XKRX: variants seen among roughly 807,000 people sequenced by gnomAD.
The protein encoded by XKRX is XK-related protein 2.
In XKRX, 11 loss-of-function variants were observed where a neutral mutation model predicts 22.4. The observed-to-expected ratio is 0.49, with a 90% CI of 0.31 to 0.81. The LOEUF is 0.81. Ranked by LOEUF, XKRX falls within the 40% of genes least tolerant of loss-of-function variation. The pLI, the probability that XKRX is intolerant of heterozygous loss-of-function variation, is 0.05. For synonymous variants in XKRX, 114 were observed against 132.2 expected (o/e 0.86, Z 0.94); for missense variants, 320 against 336.5 (o/e 0.95, Z 0.38).
the XKRX span, among the ~76,000 whole-genome samples, chrX:100,908,333 T>C: frequency 9.0e-6 from 1 of 111,009 alleles, no homozygotes; most frequent in Non-Finnish European, 1.9e-5. Flanking sequence ...CCCAGGATGG[T>C]CTCGAACTCC....
the XKRX span, among the ~76,000 whole-genome samples, chrX:100,946,107 A>C: frequency 1.8e-5 from 2 of 108,535 alleles, no homozygotes; most frequent in Non-Finnish European, 3.8e-5. Context: ...AATTGCTTGA[A>C]CCGGGGAGGC....
chrX:100,951,496 TAA>T, the XKRX span, among the ~76,000 whole-genome samples: 1 of 109,113 alleles, frequency 9.2e-6, no homozygotes, highest in Non-Finnish European at 1.9e-5. Flanking sequence ...CTCAAACAAA[TAA>T]TCTAAGTACC....
At chrX:100,950,466 C>G in the XKRX span, among the ~76,000 whole-genome samples, 1 of 111,992 alleles carries the variant, frequency 8.9e-6, no homozygotes, top group African/African-American at 3.2e-5. Flanking sequence ...TAACATTTCT[C>G]TCTCAACAAA....
intron 1 of XKRX, among the ~76,000 whole-genome samples, chrX:100,927,251 C>T (rs963280795): frequency 4.6e-5 from 5 of 109,612 alleles, no homozygotes; most frequent in South Asian, 4.1e-4. Flanking sequence ...CCGATCTTGG[C>T]TCACTGCAAC....
chrX:100,901,613 A>G, the XKRX span, among the ~76,000 whole-genome samples: 1 of 112,118 alleles, frequency 8.9e-6, no homozygotes, highest in Admixed American at 9.5e-5. Context: ...CAGTACTATC[A>G]ACCAATTTGA....
At chrX:100,953,019 G>C in the XKRX span, among the ~76,000 whole-genome samples, 65 of 112,562 alleles carry the variant, frequency 5.8e-4, no homozygotes, top group African/African-American at 2.0e-3. Context: ...ATGGACGACA[G>C]GGCTGGGCAT....
chrX:100,900,770 A>AC, the XKRX span, among the ~76,000 whole-genome samples: 3 of 104,935 alleles, frequency 2.9e-5, no homozygotes, highest in Non-Finnish European at 5.8e-5. Context: ...TATCCTCGAG[A>AC]CCCAGCTTCA....
upstream of XKRX, among the ~76,000 whole-genome samples, chrX:100,930,046 TG>T (rs1460650469): frequency 1.8e-5 from 2 of 110,317 alleles, no homozygotes; most frequent in Admixed American, 9.7e-5. Context: ...CCCAGCACTT[TG>T]GGAGGCTGAG....
At chrX:100,903,062 T>TA in the XKRX span, among the ~76,000 whole-genome samples, 239 of 99,886 alleles carry the variant, frequency 2.4e-3, 1 homozygote, top group African/African-American at 6.0e-3. Flanking sequence ...AACATCTATT[T>TA]AAAAAAAAAA....
the XKRX span, among the ~76,000 whole-genome samples, chrX:100,899,236 C>T: frequency 5.3e-5 from 6 of 113,010 alleles, no homozygotes; most frequent in African/African-American, 1.6e-4. Flanking sequence ...AAGAACAGGC[C>T]GGGCGTGGTG....
At chrX:100,891,883 T>TA in the XKRX span, among the ~76,000 whole-genome samples, 10 of 110,524 alleles carry the variant, frequency 9.0e-5, no homozygotes, top group Non-Finnish European at 1.5e-4. Context: ...TATACTATAT[T>TA]AAAAAAAACT....
At chrX:100,888,786 C>G in the XKRX span, among the ~76,000 whole-genome samples, 1 of 108,448 alleles carries the variant, frequency 9.2e-6, no homozygotes, top group Non-Finnish European at 1.9e-5. Context: ...GGGTTCTAGA[C>G]AGAAAGACTT....
chrX:100,906,625 T>G, the XKRX span, among the ~76,000 whole-genome samples: 1 of 112,151 alleles, frequency 8.9e-6, no homozygotes, highest in Non-Finnish European at 1.9e-5. Flanking sequence ...ATCTTTCCTT[T>G]TGTATTTGTT....
chrX:100,920,171 C>G (rs1569455156), intron 2 of XKRX, among the ~76,000 whole-genome samples: 4 of 103,819 alleles, frequency 3.9e-5, no homozygotes, highest in Non-Finnish European at 7.8e-5. Flanking sequence ...GTTGTGCTAC[C>G]TTTTTTTTTC....
At chrX:100,898,518 G>T in the XKRX span, among the ~76,000 whole-genome samples, 6 of 108,138 alleles carry the variant, frequency 5.5e-5, no homozygotes, top group Non-Finnish European at 9.5e-5. Context: ...AGACTGAAAA[G>T]AATGGGAAGG....
the XKRX span, among the ~76,000 whole-genome samples, chrX:100,898,841 A>C: frequency 3.0e-5 from 3 of 98,732 alleles, no homozygotes; most frequent in East Asian, 3.3e-4. Flanking sequence ...TTCTTTCTTT[A>C]TTTTTTGACT....
the XKRX span, among the ~76,000 whole-genome samples, chrX:100,903,067 A>C: frequency 9.1e-6 from 1 of 110,213 alleles, no homozygotes; most frequent in Non-Finnish European, 1.9e-5. Context: ...CTATTTAAAA[A>C]AAAAAACAAA....
the XKRX span, chrX:100,887,521 G>A: frequency 6.2e-4 from 278 of 447,650 alleles, no homozygotes; most frequent in African/African-American, 5.8e-3. Flanking sequence ...TGTCTTCTTT[G>A]TAGCAGCTAG....
In XKRX at chrX:100,914,214, G is replaced by T. The variant is rs7058487; in HGVS notation, c.*124C>A. On this transcript the variant is annotated 3_prime_UTR_variant, in exon 3 of 3. Transcript: ENST00000372956. ...TGGGAGTTGCTCTTTCTTCTGATAG[G>T]CTTAACAGAAAAGTCAAGAAAATGT... is the stretch of plus-strand genomic sequence containing the variant. 2.7e-3 allele frequency: 2,270 copies of T among 836,541 alleles called. 39 individuals are homozygous for T. In the African/African-American group the frequency reaches 0.043, roughly 16 times the overall value. 68.9% of individuals were successfully genotyped at this position (836,541 alleles called of 1,213,427 possible).
Sources: gnomAD v4.1 joint callset for allele counts (sites outside exome capture counted in the v4.1 genomes callset) on GRCh38, gnomAD v4.1.1 for gene constraint, MANE v1.5 for transcripts, NCBI Gene and HGNC (gene_info 2026-07-23, HGNC 2026-07-21) for gene names.